SMOC2: variants seen among roughly 807,000 people sequenced by gnomAD.
SMOC2 encodes the protein SPARC related modular calcium binding 2, also known as SPARC-related modular calcium-binding protein 2.
SMOC2 carries 39 observed loss-of-function variants against 61.4 expected under a neutral mutation model. That is an observed-to-expected ratio of 0.64 (90% CI 0.49 to 0.83). The LOEUF (loss-of-function observed/expected upper bound fraction) is 0.83. Ranked by LOEUF, SMOC2 falls within the 40% of genes least tolerant of loss-of-function variation. SMOC2 has a pLI of 0.00. For missense variants in SMOC2, 556 were observed against 592.9 expected, an observed-to-expected ratio of 0.94 and a Z score of 0.65; for synonymous variants, 247 against 239.9, an observed-to-expected ratio of 1.03 and a Z score of -0.27.
At chr6:168,636,228 C>T (rs1264086095) in intron 9 of SMOC2, among the ~76,000 whole-genome samples, 4 of 152,080 alleles carry the variant, frequency 2.6e-5, no homozygotes, top group Middle Eastern at 3.2e-3. Flanking sequence ...CAGCTGCATT[C>T]GGTTAAGGAT....
At chr6:168,651,527 G>A (rs1787192254) in intron 10 of SMOC2, among the ~76,000 whole-genome samples, 1 of 152,124 alleles carries the variant, frequency 6.6e-6, no homozygotes, top group African/African-American at 2.4e-5. Context: ...TTCAAATAAA[G>A]TTTTGATGGA....
At chr6:168,613,915 G>C (rs111232055) in intron 9 of SMOC2, among the ~76,000 whole-genome samples, 1 of 55,520 alleles carries the variant, frequency 1.8e-5, no homozygotes, top group Non-Finnish European at 3.6e-5. Flanking sequence ...AGCACAGGGG[G>C]CCTCTTCACA....
rs116473646 is a variant in SMOC2 at position 168,469,427 on chromosome 6, T to A, written c.84+27973T>A. ...TAATTTAGTGTGTTTTGTAAACGGA[T>A]AGGGGTTCACTAGTTTATATAAACA... On this transcript the variant is annotated intron_variant, in intron 1 of 12. Coordinates refer to ENST00000356284, the MANE Select transcript of SMOC2 (RefSeq NM_001166412.2). 8.0e-4 allele frequency among the ~76,000 whole-genome samples: 122 copies of A among 152,338 alleles called. 1 individual carries two copies. The highest frequency in any genetic ancestry group is 2.5e-3 in the African/African-American group (106 of 41,580).
At chr6:168,562,678 C>T (rs553836998) in intron 7 of SMOC2, among the ~76,000 whole-genome samples, 2 of 152,250 alleles carry the variant, frequency 1.3e-5, no homozygotes, top group East Asian at 1.9e-4. Context: ...TTTACGCATC[C>T]GGGGTTATCA....
At chr6:168,665,111 T>C (rs1787627416) in intron 12 of SMOC2, 1 of 254,598 alleles carries the variant, frequency 3.9e-6, no homozygotes, top group Non-Finnish European at 7.7e-6. Context: ...AGGGCTGGTC[T>C]GAAAGTAATT....
At chr6:168,459,939 G>A (rs1384693670) in intron 1 of SMOC2, among the ~76,000 whole-genome samples, 1 of 152,136 alleles carries the variant, frequency 6.6e-6, no homozygotes, top group Non-Finnish European at 1.5e-5. Context: ...CATTTTCTCT[G>A]TGCTTTGGTT....
At chr6:168,581,499 C>T (rs180874518) in intron 7 of SMOC2, among the ~76,000 whole-genome samples, 10 of 152,286 alleles carry the variant, frequency 6.6e-5, no homozygotes, top group South Asian at 2.1e-4. Context: ...CTGACACTGA[C>T]GTTTGAGAAT....
rs1448437033 is a variant in SMOC2, at chr6:168,441,469, G to T, written c.84+15G>T. 6.7e-7 allele frequency: 1 copy of T among 1,488,922 alleles called. No individual in the cohort carries two copies. Among genetic ancestry groups the T allele is most frequent in the Non-Finnish European group, 8.9e-7 (1 of 1,123,414 alleles). 92.2% of individuals were successfully genotyped at this position (1,488,922 alleles called of 1,614,324 possible). A position where few individuals can be genotyped will look rare whatever the true frequency, so the allele number is the denominator to read the frequency against. The stretch of plus-strand genomic sequence containing the variant: ...CGGCGCTCACGGTAAGCCCGGGCCC[G>T]CGGGACCTGGAGCTCAAGTGGTGCC... On this transcript the variant is annotated intron_variant, in intron 1 of 12. Coordinates refer to ENST00000356284, the MANE Select transcript of SMOC2 (RefSeq NM_001166412.2).
Position 168,475,751 on chromosome 6 carries a change from G to C in SMOC2, c.85-34164G>C, listed in dbSNP as rs1782065743. 6.6e-6 allele frequency among the ~76,000 whole-genome samples: 1 copy of C among 152,170 alleles called. No homozygotes were observed. Among genetic ancestry groups the C allele is most frequent in the Non-Finnish European group, 1.5e-5 (1 of 68,020 alleles). On this transcript the variant is annotated intron_variant, in intron 1 of 12. Coordinates refer to ENST00000356284, the MANE Select transcript of SMOC2 (RefSeq NM_001166412.2). This position sits in a 1 kb window ranked among gnomAD's most constrained non-coding sequence, Gnocchi z 4.6. ...CGGCGTTAGAAGAAGAAGTAGTGAA[G>C]GGCAGTATTGGTGGAATAGGCAGGA...
intron 1 of SMOC2, among the ~76,000 whole-genome samples, chr6:168,501,135 A>T (rs1317036156): frequency 6.6e-6 from 1 of 152,198 alleles, no homozygotes; most frequent in African/African-American, 2.4e-5. Context: ...TATTGCATTA[A>T]TGTAACACCA....
At chr6:168,500,914 C>T (rs574330386) in intron 1 of SMOC2, among the ~76,000 whole-genome samples, 2 of 152,272 alleles carry the variant, frequency 1.3e-5, no homozygotes, top group South Asian at 4.1e-4. Flanking sequence ...CCTGAGGCTG[C>T]ATGAACCCCC....
In SMOC2 at chr6:168,532,793, GCC is replaced by G. The variant is rs976318477; in HGVS notation, c.463+5068_463+5069del. Among the ~76,000 whole-genome samples, 9 of 152,162 alleles carry G rather than the reference GCC, an allele frequency of 5.9e-5. 1 individual carries two copies. Among genetic ancestry groups the G allele is most frequent in the African/African-American group, 2.2e-4 (9 of 41,436 alleles). ...ACACAGCCCATGTGTAGTAGCTGGT[GCC>G]CATCTTGAGACCCCCAGCCTATCCC... On this transcript the variant is annotated intron_variant, in intron 4 of 12. Coordinates refer to ENST00000356284, the MANE Select transcript of SMOC2 (RefSeq NM_001166412.2).
At chr6:168,661,906 T>C (rs1418626525) in intron 11 of SMOC2, among the ~76,000 whole-genome samples, 2 of 152,228 alleles carry the variant, frequency 1.3e-5, no homozygotes, top group Admixed American at 1.3e-4. Context: ...ACTTAGACCA[T>C]TGAAACCAAC....
chr6:168,563,734 A>G (rs1037547233), intron 7 of SMOC2, among the ~76,000 whole-genome samples: 7 of 152,212 alleles, frequency 4.6e-5, no homozygotes, highest in Non-Finnish European at 1.0e-4. Flanking sequence ...CCCAGCAGAC[A>G]CTGAATCTGC....
chr6:168,664,488 A>G, intron 12 of SMOC2: 1 of 407,898 alleles, frequency 2.5e-6, no homozygotes. Flanking sequence ...ACCTGGGATT[A>G]CAGGCATGCG....
intron 7 of SMOC2, among the ~76,000 whole-genome samples, chr6:168,571,135 G>T (rs966584077): frequency 6.6e-6 from 1 of 152,212 alleles, no homozygotes; most frequent in African/African-American, 2.4e-5. Flanking sequence ...TATTACCTGA[G>T]AATTGGTTCT....
intron 2 of SMOC2, among the ~76,000 whole-genome samples, chr6:168,520,631 A>G (rs1454172080): frequency 6.6e-6 from 1 of 152,210 alleles, no homozygotes; most frequent in Non-Finnish European, 1.5e-5. Context: ...GATAAATGAG[A>G]CACCACAGTC....
intron 1 of SMOC2, among the ~76,000 whole-genome samples, chr6:168,443,288 G>C (rs534605486): frequency 6.6e-6 from 1 of 152,222 alleles, no homozygotes; most frequent in African/African-American, 2.4e-5. Flanking sequence ...TTTAAGACTC[G>C]GCAGGTTTTC....
intron 12 of SMOC2, among the ~76,000 whole-genome samples, chr6:168,665,763 G>C (rs1787647690): frequency 6.6e-6 from 1 of 152,164 alleles, no homozygotes; most frequent in Non-Finnish European, 1.5e-5. Context: ...CACCTCTTCA[G>C]ATCTTTATCA....
Sources: allele counts gnomAD v4.1 joint callset (sites outside exome capture counted in the v4.1 genomes callset), GRCh38; gene constraint gnomAD v4.1.1; non-coding constraint Gnocchi (gnomAD v3.1); transcripts MANE v1.5; gene names NCBI Gene and HGNC (gene_info 2026-07-23, HGNC 2026-07-21).